The following CNTN5 variants were observed in gnomAD, a reference collection of about 807,000 sequenced individuals.
CNTN5 encodes contactin 5, also known as contactin-5.
A neutral mutation model predicts 129.1 loss-of-function variants in CNTN5; 77 were observed. That is an observed-to-expected ratio of 0.60 (90% CI 0.50 to 0.72). CNTN5 has a LOEUF of 0.72. Ranked by LOEUF, CNTN5 falls within the 30% of genes least tolerant of loss-of-function variation. The pLI, the probability that CNTN5 is intolerant of heterozygous loss-of-function variation, is 0.00. For missense variants in CNTN5, 1,478 were observed against 1,328.8 expected (o/e 1.11, Z -1.75); for synonymous variants, 509 against 465.6 (o/e 1.09, Z -1.20).
At chr11:99,037,713 G>C (rs1863814161) in intron 1 of CNTN5, among the ~76,000 whole-genome samples, 1 of 150,960 alleles carries the variant, frequency 6.6e-6, no homozygotes, top group Admixed American at 6.6e-5. Flanking sequence ...CCAAGTAGCT[G>C]GGATTACAAG....
intron 1 of CNTN5, among the ~76,000 whole-genome samples, chr11:99,225,913 A>C (rs1860657301): frequency 1.3e-5 from 2 of 152,184 alleles, no homozygotes; most frequent in African/African-American, 4.8e-5. Flanking sequence ...GTAATGTCAT[A>C]AATTCATGGA....
At chr11:99,477,264 C>G (rs1040686991) in intron 2 of CNTN5, among the ~76,000 whole-genome samples, 1 of 151,658 alleles carries the variant, frequency 6.6e-6, no homozygotes, top group Non-Finnish European at 1.5e-5. Context: ...ATTTAGTACC[C>G]CTACATAAGA....
intron 2 of CNTN5, among the ~76,000 whole-genome samples, chr11:99,509,234 G>A (rs1180399833): frequency 1.3e-5 from 2 of 152,028 alleles, no homozygotes; most frequent in East Asian, 3.9e-4. Flanking sequence ...GTGTTCTTTA[G>A]GATCTTCATT....
intron 16 of CNTN5, among the ~76,000 whole-genome samples, chr11:100,249,506 T>C (rs1470570191): frequency 6.6e-6 from 1 of 152,156 alleles, no homozygotes; most frequent in Non-Finnish European, 1.5e-5. Flanking sequence ...TCCTTTATAA[T>C]AGCATTGTCC....
chr11:99,160,273 A>T (rs182422553), intron 1 of CNTN5, among the ~76,000 whole-genome samples: 1 of 152,338 alleles, frequency 6.6e-6, no homozygotes, highest in East Asian at 1.9e-4. Context: ...TAGTTAGCTC[A>T]TTGCTTATGT....
At chr11:99,591,120 T>A (rs546579566) in intron 3 of CNTN5, among the ~76,000 whole-genome samples, 2 of 152,248 alleles carry the variant, frequency 1.3e-5, no homozygotes, top group South Asian at 4.1e-4. Context: ...TTTCCTGCCC[T>A]GTTTAGAGGC....
At position 99,758,862 on chromosome 11, in the gene CNTN5, G is replaced by A. The variant is rs369856438; in HGVS notation, c.56-60682G>A. 5.9e-5 allele frequency among the ~76,000 whole-genome samples: 9 copies of A among 152,092 alleles called. No individual in the cohort carries two copies. The East Asian group carries it at 1.5e-3, about 26-fold the overall frequency. On this transcript the variant is annotated intron_variant, in intron 3 of 24. Coordinates refer to ENST00000524871, the MANE Select transcript of CNTN5 (RefSeq NM_014361.4). ...TAGTATAAGATTAAAAGGCAGTATTGAGAAAAACATGTAATAAATCTGGAG... is the reference window on the plus strand; with the variant it reads ...TAGTATAAGATTAAAAGGCAGTATTAAGAAAAACATGTAATAAATCTGGAG...
chr11:99,481,510 A>G (rs1367197946), intron 2 of CNTN5, among the ~76,000 whole-genome samples: 2 of 152,138 alleles, frequency 1.3e-5, no homozygotes, highest in Non-Finnish European at 2.9e-5. Flanking sequence ...TAATGAATAT[A>G]TTTGCTGATT....
chr11:100,046,340 T>A (rs1942674595), intron 9 of CNTN5, among the ~76,000 whole-genome samples: 1 of 152,186 alleles, frequency 6.6e-6, no homozygotes, highest in Non-Finnish European at 1.5e-5. Flanking sequence ...CACTGCATGA[T>A]ATTCTCCAAT....
intron 13 of CNTN5, among the ~76,000 whole-genome samples, chr11:100,168,650 A>G (rs754694400): frequency 2.0e-5 from 3 of 151,998 alleles, no homozygotes; most frequent in African/African-American, 7.2e-5. Flanking sequence ...GGAAATGGAC[A>G]AAGAAATTAA....
chr11:99,715,525 G>A (rs1270346895), intron 3 of CNTN5, among the ~76,000 whole-genome samples: 2 of 151,776 alleles, frequency 1.3e-5, no homozygotes, highest in East Asian at 2.0e-4. Flanking sequence ...AGGAAGAACA[G>A]GAAACAGAGT....
chr11:100,134,226 T>C (rs576086426), intron 13 of CNTN5, among the ~76,000 whole-genome samples: 3 of 152,240 alleles, frequency 2.0e-5, no homozygotes, highest in African/African-American at 7.2e-5. Flanking sequence ...TCCTTTAAAC[T>C]CAGTTTTTAC....
intron 1 of CNTN5, among the ~76,000 whole-genome samples, chr11:99,088,503 A>G (rs965503252): frequency 2.0e-5 from 3 of 152,146 alleles, no homozygotes; most frequent in African/African-American, 4.8e-5. Flanking sequence ...AAATCTTGAG[A>G]GGGAAATTCT....
intron 13 of CNTN5, among the ~76,000 whole-genome samples, chr11:100,124,480 A>G (rs1022377669): frequency 6.6e-6 from 1 of 152,068 alleles, no homozygotes; most frequent in South Asian, 2.1e-4. Flanking sequence ...AAGCTATAAA[A>G]GAAATAAAGA....
At chr11:100,233,907 G>A (rs1366881973) in intron 16 of CNTN5, among the ~76,000 whole-genome samples, 1 of 151,948 alleles carries the variant, frequency 6.6e-6, no homozygotes, top group Non-Finnish European at 1.5e-5. Flanking sequence ...CTGTCCATCT[G>A]ACAAAGGGCT....
chr11:99,446,085 T>TAAAA (rs35641117), intron 2 of CNTN5, among the ~76,000 whole-genome samples: 5 of 134,936 alleles, frequency 3.7e-5, no homozygotes, highest in African/African-American at 5.5e-5. Flanking sequence ...ACTTTGTCAT[T>TAAAA]AAAAAAAAAA....
chr11:99,145,408 T>C (rs1301781907), intron 1 of CNTN5, among the ~76,000 whole-genome samples: 1 of 151,710 alleles, frequency 6.6e-6, no homozygotes, highest in Non-Finnish European at 1.5e-5. Flanking sequence ...GTCTATAGTG[T>C]TAGTTAGATA....
chr11:99,882,840 C>T (rs894467121), intron 6 of CNTN5, among the ~76,000 whole-genome samples: 1 of 152,096 alleles, frequency 6.6e-6, no homozygotes, highest in Non-Finnish European at 1.5e-5. Context: ...TGCCCATTAA[C>T]CATTCCCATG....
intron 13 of CNTN5, among the ~76,000 whole-genome samples, chr11:100,130,367 C>A (rs1197572723): frequency 6.6e-6 from 1 of 152,124 alleles, no homozygotes; most frequent in Non-Finnish European, 1.5e-5. Flanking sequence ...CAGACGTAGT[C>A]CCTGCTCTCA....
Sources: allele counts gnomAD v4.1 joint callset (sites outside exome capture counted in the v4.1 genomes callset), GRCh38; gene constraint gnomAD v4.1.1; transcripts MANE v1.5; gene names NCBI Gene and HGNC (gene_info 2026-07-23, HGNC 2026-07-21).